Variants in MARVELD2 observed in about 807,000 individuals in gnomAD.
MARVELD2 encodes the protein MARVEL domain-containing protein 2.
A neutral mutation model predicts 57.6 loss-of-function variants in MARVELD2; 49 were observed. That is an observed-to-expected ratio of 0.85 (90% CI 0.68 to 1.08). The LOEUF is 1.08. Ranked by LOEUF, MARVELD2 falls within the 50% of genes least tolerant of loss-of-function variation. MARVELD2 has a pLI of 0.00. For missense variants in MARVELD2, 606 were observed against 701.1 expected (o/e 0.86, Z 1.53); for synonymous variants, 238 against 258.8 (o/e 0.92, Z 0.77).
At position 69,435,872 on chromosome 5, in the gene MARVELD2, C is replaced by CT. The variant is rs1437234514; in HGVS notation, c.1503+2780dup. 3.3e-5 allele frequency among the ~76,000 whole-genome samples: 5 copies of CT among 152,032 alleles called. 1 individual carries two copies. The South Asian group carries it at 8.3e-4, about 25-fold the overall frequency. ...CTACTTTCTGTCCGAATGGATTTGC[C>CT]TAGTTTGAACATTTCATATCAATCT... On this transcript the variant is annotated intron_variant, in intron 5 of 6. Coordinates refer to ENST00000325631, the MANE Select transcript of MARVELD2 (RefSeq NM_001038603.3).
intron 3 of MARVELD2, among the ~76,000 whole-genome samples, chr5:69,426,554 C>T (rs528549961): frequency 3.4e-4 from 51 of 152,012 alleles, no homozygotes; most frequent in African/African-American, 1.1e-3. Flanking sequence ...AGGCTGGTCT[C>T]GAACCCCTGA....
rs1767381445 is a variant in MARVELD2 at position 69,443,358 on chromosome 5, C to G, written c.*1704C>G. 1.3e-5 allele frequency: 2 copies of G among 152,062 alleles called. No homozygotes were observed. Among genetic ancestry groups the G allele is most frequent in the Admixed American group, 1.3e-4 (2 of 15,240 alleles). The allele number at this position is 152,062 out of a possible 1,614,324, so 9.4% of individuals were successfully genotyped here. A position where few individuals can be genotyped will look rare whatever the true frequency, so the allele number is the denominator to read the frequency against. The stretch of plus-strand genomic sequence containing the variant: ...GGATTACAGGCACCCACCACCATGC[C>G]CAGCTAATTTTTTGTATTTTTAGTA... On this transcript the variant is annotated 3_prime_UTR_variant, in exon 7 of 7. Transcript: ENST00000325631.
chr5:69,435,709 C>A (rs1362028055), intron 5 of MARVELD2, among the ~76,000 whole-genome samples: 1 of 139,248 alleles, frequency 7.2e-6, no homozygotes, highest in Non-Finnish European at 1.5e-5. Context: ...GCCAAGATTG[C>A]GCCACTGCAC....
chr5:69,419,501 G>A lies in MARVELD2; in HGVS notation c.116G>A (p.Arg39Gln), dbSNP rs755495483. ...RTHPTLHDSE[R>Q]AVSADPLPPP... ...CACCCAACTCTTCATGACAGTGAGC[G>A]GGCAGTGAGCGCTGATCCCTTGCCA... is the stretch of plus-strand genomic sequence containing the variant. Residue 39 changes from arginine to glutamine, a missense_variant, in exon 2 of 7, where the codon CGG becomes CAG. Coordinates refer to ENST00000325631, the MANE Select transcript of MARVELD2 (RefSeq NM_001038603.3). The A allele has an allele frequency of 6.8e-6, 11 of 1,613,802 alleles. No homozygotes were observed. Among genetic ancestry groups the A allele is most frequent in the Admixed American group, 3.3e-5 (2 of 59,998 alleles).
Position 69,440,501 on chromosome 5 carries a change from G to A in MARVELD2, c.1554+1G>A. On this transcript the variant is annotated splice_donor_variant, in intron 6 of 6. Coordinates refer to ENST00000325631, the MANE Select transcript of MARVELD2 (RefSeq NM_001038603.3). LOFTEE classifies it high-confidence loss of function. The stretch of plus-strand genomic sequence containing the variant: ...TGAAGAGTTTAAGAAAAAAAAGAAT[G>A]TGAGTAAAACAGTTTTCTTCAAACT... 7.0e-7 allele frequency: 1 copy of A among 1,426,494 alleles called. No individual in the cohort carries two copies. The highest frequency in any genetic ancestry group is 9.9e-7 in the Non-Finnish European group (1 of 1,013,404). The allele number at this position is 1,426,494 out of a possible 1,614,324, so 88.4% of individuals were successfully genotyped here. A position where few individuals can be genotyped will look rare whatever the true frequency, so the allele number is the denominator to read the frequency against.
At chr5:69,422,238 G>A (rs1766651117) in intron 2 of MARVELD2, among the ~76,000 whole-genome samples, 1 of 152,176 alleles carries the variant, frequency 6.6e-6, no homozygotes, top group Admixed American at 6.5e-5. Context: ...CAATGTTCAG[G>A]GAACAAGGGA....
chr5:69,430,683 A>T (rs185635630), intron 3 of MARVELD2, among the ~76,000 whole-genome samples: 1 of 150,968 alleles, frequency 6.6e-6, no homozygotes, highest in Admixed American at 6.6e-5. Flanking sequence ...ACAGGCGCAC[A>T]CCACCACATC....
chr5:69,433,866 A>G (rs1030303170), intron 5 of MARVELD2, among the ~76,000 whole-genome samples: 1 of 151,988 alleles, frequency 6.6e-6, no homozygotes, highest in African/African-American at 2.4e-5. Context: ...AATTCAAATT[A>G]TGTAACTTAA....
At chr5:69,420,942 A>G (rs1227051467) in intron 2 of MARVELD2, among the ~76,000 whole-genome samples, 1 of 152,182 alleles carries the variant, frequency 6.6e-6, no homozygotes, top group Non-Finnish European at 1.5e-5. Context: ...CTAATTTTTC[A>G]TTTAAATGTT....
chr5:69,435,368 T>A (rs2150929384), intron 5 of MARVELD2, among the ~76,000 whole-genome samples: 1 of 152,138 alleles, frequency 6.6e-6, no homozygotes, highest in South Asian at 2.1e-4. Context: ...CCCACCCTTT[T>A]AAAGTGTACA....
intron 3 of MARVELD2, among the ~76,000 whole-genome samples, chr5:69,428,905 C>A (rs1766875342): frequency 6.6e-6 from 1 of 151,988 alleles, no homozygotes; most frequent in South Asian, 2.1e-4. Context: ...TTATTAAAGC[C>A]AAAAATGCTC....
intron 5 of MARVELD2, among the ~76,000 whole-genome samples, chr5:69,436,166 A>T (rs953846036): frequency 6.6e-6 from 1 of 152,096 alleles, no homozygotes; most frequent in South Asian, 2.1e-4. Flanking sequence ...AATCTATTAC[A>T]TGTATGATTA....
At chr5:69,436,377 A>C (rs974096379) in intron 5 of MARVELD2, among the ~76,000 whole-genome samples, 14 of 148,760 alleles carry the variant, frequency 9.4e-5, no homozygotes, top group Non-Finnish European at 3.0e-5. Flanking sequence ...AACAAAAAAA[A>C]CTAAATGTCA....
At position 69,426,049 on chromosome 5, in the gene MARVELD2, CT is replaced by C. The variant is rs536960005; in HGVS notation, c.1182+1421del. Among the ~76,000 whole-genome samples the C allele has an allele frequency of 2.4e-4, 37 of 151,340 alleles. No individual in the cohort carries two copies. In the East Asian group the frequency reaches 5.5e-3, roughly 22 times the overall value. On this transcript the variant is annotated intron_variant, in intron 3 of 6. Coordinates refer to ENST00000325631, the MANE Select transcript of MARVELD2 (RefSeq NM_001038603.3). Reference sequence around the variant, plus strand: ...GAGCCAGCATGCCCGGCCAATAATACTTTTTTTTAAAGATGCCAAATTTTGT... The same window carrying C: ...GAGCCAGCATGCCCGGCCAATAATACTTTTTTTAAAGATGCCAAATTTTGT...
intron 1 of MARVELD2, among the ~76,000 whole-genome samples, chr5:69,417,323 A>G (rs1766461002): frequency 1.3e-5 from 2 of 152,056 alleles, no homozygotes; most frequent in South Asian, 4.1e-4. Flanking sequence ...TCATTTATCT[A>G]TCATCTGTCA....
intron 2 of MARVELD2, among the ~76,000 whole-genome samples, chr5:69,423,895 G>A (rs1766704920): frequency 6.6e-6 from 1 of 152,042 alleles, no homozygotes; most frequent in Non-Finnish European, 1.5e-5. Context: ...ACCTTCACAT[G>A]TATTAAATTT....
At chr5:69,421,456 T>G (rs1349905075) in intron 2 of MARVELD2, among the ~76,000 whole-genome samples, 1 of 152,190 alleles carries the variant, frequency 6.6e-6, no homozygotes, top group East Asian at 1.9e-4. Flanking sequence ...CCACTTTTCC[T>G]AAGACTTCTT....
intron 6 of MARVELD2, 127 bp from the exon 7 acceptor site, chr5:69,441,405 C>T (rs1439640337): frequency 1.9e-6 from 2 of 1,080,132 alleles, no homozygotes; most frequent in African/African-American, 1.6e-5. Flanking sequence ...TTAACTGTTA[C>T]CCTGAGTTCA....
At chr5:69,424,918 T>C (rs1487525892) in intron 3 of MARVELD2, among the ~76,000 whole-genome samples, 1 of 151,840 alleles carries the variant, frequency 6.6e-6, no homozygotes, top group Non-Finnish European at 1.5e-5. Context: ...CCAGCTACTC[T>C]GGAGGCTGAG....
Sources: allele counts gnomAD v4.1 joint callset (sites outside exome capture counted in the v4.1 genomes callset), GRCh38; gene constraint gnomAD v4.1.1; transcripts MANE v1.5; gene names NCBI Gene and HGNC (gene_info 2026-07-23, HGNC 2026-07-21).